MARCHF1: variants seen among roughly 807,000 people sequenced by gnomAD.
The protein encoded by MARCHF1 is membrane associated ring-CH-type finger 1.
Under a neutral mutation model 54.2 loss-of-function variants are expected in MARCHF1, and 40 were observed. The observed-to-expected ratio is 0.74, with a 90% confidence interval of 0.57 to 0.96. The LOEUF (loss-of-function observed/expected upper bound fraction) is 0.96. Ranked by LOEUF, MARCHF1 falls within the 40% of genes least tolerant of loss-of-function variation. MARCHF1 has a pLI of 0.00. For synonymous variants in MARCHF1, 236 were observed against 236.3 expected (o/e 1.00, Z 0.01); for missense variants, 586 against 656.5 (o/e 0.89, Z 1.17).
intron 3 of MARCHF1, among the ~76,000 whole-genome samples, chr4:163,944,081 C>T (rs1751973744): frequency 6.6e-6 from 1 of 151,596 alleles, no homozygotes; most frequent in South Asian, 2.1e-4. Flanking sequence ...ATTCTCCTGC[C>T]TCAGCCTCCC....
rs576343883 is a variant in MARCHF1, at chr4:163,774,932, C to T, written c.112-74069G>A. Among the ~76,000 whole-genome samples, 84 of 152,280 alleles carry T rather than the reference C, an allele frequency of 5.5e-4. 1 individual carries two copies. Among genetic ancestry groups the T allele is most frequent in the South Asian group, 1.5e-3 (7 of 4,826 alleles). ...TCAGCAGGATCCAGTAGGAGATTTT[C>T]ATTTGTATTCAAAGGCTGCTTCAAG... is the stretch of plus-strand genomic sequence containing the variant. On this transcript the variant is annotated intron_variant, in intron 4 of 9. Coordinates refer to ENST00000514618, the MANE Select transcript of MARCHF1 (RefSeq NM_001394959.1).
At chr4:163,740,291 T>C (rs890949048) in intron 4 of MARCHF1, among the ~76,000 whole-genome samples, 1 of 152,228 alleles carries the variant, frequency 6.6e-6, no homozygotes, top group African/African-American at 2.4e-5. Flanking sequence ...GTACCGGTCC[T>C]AGCTTATATC....
At chr4:163,956,090 T>C (rs1180231112) in intron 3 of MARCHF1, among the ~76,000 whole-genome samples, 4 of 152,056 alleles carry the variant, frequency 2.6e-5, no homozygotes, top group African/African-American at 9.7e-5. Context: ...ACAAAAGTAA[T>C]ATGAAAAATT....
intron 4 of MARCHF1, among the ~76,000 whole-genome samples, chr4:163,833,138 T>C (rs1307426264): frequency 6.6e-6 from 1 of 152,154 alleles, no homozygotes; most frequent in Non-Finnish European, 1.5e-5. Context: ...ATGGTATTTC[T>C]AGTTCTAGAT....
At chr4:164,237,655 CTTTT>C (rs1481760246) in intron 1 of MARCHF1, among the ~76,000 whole-genome samples, 1 of 151,788 alleles carries the variant, frequency 6.6e-6, no homozygotes, top group East Asian at 1.9e-4. Context: ...TATTCAGTTT[CTTTT>C]TTAATATTCA....
intron 2 of MARCHF1, among the ~76,000 whole-genome samples, chr4:164,035,930 T>TAAAAAAAAAAAA (rs35474146): frequency 1.7e-5 from 2 of 116,634 alleles, no homozygotes; most frequent in African/African-American, 6.5e-5. Context: ...AAACTAAAAC[T>TAAAAAAAAAAAA]AAAAAAAAAA....
chr4:164,127,585 G>T (rs1756211956), intron 1 of MARCHF1, among the ~76,000 whole-genome samples: 1 of 151,892 alleles, frequency 6.6e-6, no homozygotes, highest in East Asian at 1.9e-4. Flanking sequence ...TAGTAAACTA[G>T]AAAAATAAAA....
chr4:164,205,036 G>A (rs149323829), intron 1 of MARCHF1, among the ~76,000 whole-genome samples: 9 of 152,204 alleles, frequency 5.9e-5, no homozygotes, highest in African/African-American at 1.9e-4. Flanking sequence ...TTGAGAGAAT[G>A]TCTTAATTCT....
At chr4:163,879,448 A>G (rs557255613) in intron 3 of MARCHF1, among the ~76,000 whole-genome samples, 1 of 152,360 alleles carries the variant, frequency 6.6e-6, no homozygotes, top group East Asian at 1.9e-4. Context: ...AATCAATTTT[A>G]CATTATAAAC....
chr4:164,342,148 G>A (rs570836978), intron 1 of MARCHF1, among the ~76,000 whole-genome samples: 17 of 152,088 alleles, frequency 1.1e-4, no homozygotes, highest in South Asian at 2.1e-4. Flanking sequence ...GACAAAAGAC[G>A]AGAATAAACA....
At chr4:164,011,217 T>C (rs1753413096) in intron 2 of MARCHF1, among the ~76,000 whole-genome samples, 1 of 152,138 alleles carries the variant, frequency 6.6e-6, no homozygotes, top group African/African-American at 2.4e-5. Flanking sequence ...GGCAAAGATA[T>C]TTTGTGTAAG....
chr4:164,277,047 A>G (rs1733905670), intron 1 of MARCHF1, among the ~76,000 whole-genome samples: 3 of 151,810 alleles, frequency 2.0e-5, no homozygotes, highest in African/African-American at 4.8e-5. Context: ...GAGAGTCAGG[A>G]GAACTACAAT....
chr4:164,174,299 T>C (rs889973936), intron 1 of MARCHF1, among the ~76,000 whole-genome samples: 4 of 152,332 alleles, frequency 2.6e-5, no homozygotes, highest in South Asian at 4.1e-4. Flanking sequence ...AAGAGTGTTA[T>C]GTAAGTAATG....
chr4:163,565,045 G>A (rs865832869), intron 8 of MARCHF1, among the ~76,000 whole-genome samples: 2 of 152,052 alleles, frequency 1.3e-5, no homozygotes, highest in Non-Finnish European at 2.9e-5. Flanking sequence ...AAAATACTTC[G>A]TCTTTTCAGT....
chr4:163,749,621 A>C (rs1397005910), intron 4 of MARCHF1, among the ~76,000 whole-genome samples: 1 of 152,034 alleles, frequency 6.6e-6, no homozygotes, highest in Non-Finnish European at 1.5e-5. Context: ...TTTGCTGATA[A>C]TTTTTGTCAT....
At chr4:164,373,120 C>T (rs1679686303) in intron 1 of MARCHF1, among the ~76,000 whole-genome samples, 3 of 152,008 alleles carry the variant, frequency 2.0e-5, no homozygotes, top group African/African-American at 7.3e-5. Context: ...ACCTTTAATC[C>T]TCAAAACAAC....
chr4:164,040,704 T>A (rs926586909), intron 2 of MARCHF1, among the ~76,000 whole-genome samples: 1 of 151,982 alleles, frequency 6.6e-6, no homozygotes, highest in African/African-American at 2.4e-5. Flanking sequence ...TGTTTCCTCC[T>A]TAATACTCAA....
At chr4:163,536,925 G>A (rs1489508738) in intron 9 of MARCHF1, among the ~76,000 whole-genome samples, 1 of 152,122 alleles carries the variant, frequency 6.6e-6, no homozygotes, top group East Asian at 1.9e-4. Context: ...AGTTTAGAGT[G>A]CAGAGCACCC....
intron 4 of MARCHF1, among the ~76,000 whole-genome samples, chr4:163,717,713 A>G (rs1745309906): frequency 6.6e-6 from 1 of 152,104 alleles, no homozygotes; most frequent in Non-Finnish European, 1.5e-5. Flanking sequence ...ATGGTATCTC[A>G]TTGTGGTTTT....
Sources: gnomAD v4.1 joint callset for allele counts (sites outside exome capture counted in the v4.1 genomes callset) on GRCh38, gnomAD v4.1.1 for gene constraint, MANE v1.5 for transcripts, NCBI Gene and HGNC (gene_info 2026-07-23, HGNC 2026-07-21) for gene names.